The following RASIP1 variants were observed in gnomAD, a reference collection of about 807,000 sequenced individuals.
The protein encoded by RASIP1 is ras-interacting protein 1.
In RASIP1, 20 loss-of-function variants were observed where a neutral mutation model predicts 85.3. The observed-to-expected ratio is 0.23, with a 90% confidence interval of 0.17 to 0.34. RASIP1 has a LOEUF of 0.34. Ranked by LOEUF, RASIP1 falls within the 10% of genes least tolerant of loss-of-function variation. RASIP1 has a pLI of 1.00. For missense variants in RASIP1, 1,170 were observed against 1,390.9 expected (o/e 0.84, Z 2.53); for synonymous variants, 617 against 647.1 (o/e 0.95, Z 0.71).
chr19:48,724,313 C>A lies in RASIP1; in HGVS notation c.2544+24G>T. The A allele has an allele frequency of 6.2e-7, 1 of 1,604,182 alleles. No individual in the cohort carries two copies. On this transcript the variant is annotated intron_variant, in intron 10 of 11. Transcript: ENST00000222145. This position sits in a 1 kb window ranked among gnomAD's most constrained non-coding sequence, Gnocchi z 4.6. ...GGTTGAGGAGTCAGAGGTCAGGGGT[C>A]AGGTATAGCTGACCAGGAGTCACCT...
In RASIP1 at chr19:48,739,904, A is replaced by T. The variant is rs1445482523; in HGVS notation, c.137+242T>A. Reference sequence around the variant, plus strand: ...GGAGGGGAGGAAGGAAGGTGAATCAATCCCCCTGCTCCTTCTGTCCCCGTC... The same window carrying T: ...GGAGGGGAGGAAGGAAGGTGAATCATTCCCCCTGCTCCTTCTGTCCCCGTC... On this transcript the variant is annotated intron_variant, in intron 2 of 11. Transcript: ENST00000222145. The surrounding 1 kb of genome is among the most constrained non-coding windows in gnomAD (Gnocchi z 9.2). Among the ~76,000 whole-genome samples, 1 of 151,918 alleles carries T rather than the reference A, an allele frequency of 6.6e-6. No individual in the cohort carries two copies. Among genetic ancestry groups the T allele is most frequent in the Non-Finnish European group, 1.5e-5 (1 of 67,966 alleles).
intron 4 of RASIP1, among the ~76,000 whole-genome samples, chr19:48,734,005 A>G (rs1002681097): frequency 2.0e-5 from 3 of 151,400 alleles, no homozygotes; most frequent in Admixed American, 2.0e-4. Flanking sequence ...TCATTAAAAA[A>G]TTTTTTTAGG....
At chr19:48,722,197 T>G (rs917956993) in intron 10 of RASIP1, among the ~76,000 whole-genome samples, 196 bp from the exon 11 acceptor site, 9 of 151,626 alleles carry the variant, frequency 5.9e-5, no homozygotes, top group Non-Finnish European at 1.3e-4. Context: ...TGTAAAAATG[T>G]GATGTGCCTC....
rs1478317568 is a variant in RASIP1 at position 48,720,770 on chromosome 19, G to A, written c.*28C>T. On this transcript the variant is annotated 3_prime_UTR_variant, in exon 12 of 12. Transcript: ENST00000222145. The stretch of plus-strand genomic sequence containing the variant: ...TCCGTAGAAGCCCGTGACATTTCAA[G>A]GTTCGCGCGCTCGTTTGGTATTGGT... The A allele has an allele frequency of 1.2e-6, 2 of 1,609,844 alleles. No homozygotes were observed. The highest frequency in any genetic ancestry group is 1.7e-6 in the Non-Finnish European group (2 of 1,176,512).
intron 4 of RASIP1, among the ~76,000 whole-genome samples, chr19:48,730,470 A>G (rs1345372809): frequency 6.6e-6 from 1 of 152,002 alleles, no homozygotes; most frequent in Admixed American, 6.6e-5. Flanking sequence ...CCAGAGACCC[A>G]TTTCTTAACA....
intron 4 of RASIP1, among the ~76,000 whole-genome samples, chr19:48,730,931 C>T (rs895830490): frequency 2.0e-5 from 3 of 152,056 alleles, no homozygotes; most frequent in Admixed American, 6.6e-5. Context: ...GCACAAGAAT[C>T]GCTTGAACCC....
At chr19:48,734,580 C>T (rs532150319) in intron 4 of RASIP1, among the ~76,000 whole-genome samples, 90 of 151,706 alleles carry the variant, frequency 5.9e-4, no homozygotes, top group African/African-American at 2.0e-3. Context: ...CTCTGCCTTC[C>T]GGGTTCAAAC....
Position 48,727,158 on chromosome 19 carries a change from G to C in RASIP1, c.1872C>G (p.Asn624Lys). 1 of 1,613,396 alleles carries C rather than the reference G, an allele frequency of 6.2e-7. No homozygotes were observed. Among genetic ancestry groups the C allele is most frequent in the Non-Finnish European group, 8.5e-7 (1 of 1,179,938 alleles). The change falls in exon 7 of 12, where the codon AAC becomes AAG. Residue 624 changes from asparagine (N) to lysine (K), a missense_variant and splice_region_variant. Around this residue, in one of 4 missense-constraint regions of RASIP1, gnomAD observed 426 missense variants for 576.2 expected, o/e 0.74. Transcript: ENST00000222145. ...GCACCTCGGGGACCCCCTCAGGGTG[G>C]CTTGAAAAAGAGGAAGGAATTTGTG... is the stretch of plus-strand genomic sequence containing the variant. ...IKEIGDRQPE[N>K]HPEGVPEVPL... is the part of the protein sequence containing the mutation.
intron 5 of RASIP1, among the ~76,000 whole-genome samples, chr19:48,728,720 C>T (rs1056949827): frequency 1.3e-5 from 2 of 152,202 alleles, no homozygotes; most frequent in Admixed American, 6.5e-5. Context: ...ACCAAGACCG[C>T]CACTGCACTC....
rs947587960 is a variant in RASIP1, at chr19:48,740,031, T to A, written c.137+115A>T. 2 of 1,355,240 alleles carry A rather than the reference T, an allele frequency of 1.5e-6. No homozygotes were observed. Among genetic ancestry groups the A allele is most frequent in the Non-Finnish European group, 9.8e-7 (1 of 1,022,942 alleles). 84.0% of individuals were successfully genotyped at this position (1,355,240 alleles called of 1,614,324 possible). On this transcript the variant is annotated intron_variant, in intron 2 of 11. Transcript: ENST00000222145. The surrounding 1 kb of genome is among the most constrained non-coding windows in gnomAD (Gnocchi z 5.5). The stretch of plus-strand genomic sequence containing the variant: ...CCGTCTCCCCCTGCCCACCAGCTCG[T>A]TTGCCCAATTCAGGATGAGGACCGG...
At chr19:48,733,751 G>T (rs1168872796) in intron 4 of RASIP1, among the ~76,000 whole-genome samples, 2 of 150,868 alleles carry the variant, frequency 1.3e-5, no homozygotes, top group African/African-American at 4.9e-5. Context: ...AGGTTGTAGT[G>T]AGCCAAGATC....
rs534161771 is a variant in RASIP1 at position 48,735,447 on chromosome 19, C to G, written c.928G>C (p.Ala310Pro). The change falls in exon 4 of 12, where the codon GCT becomes CCT. Residue 310 changes from alanine (A) to proline (P), a missense_variant. Coordinates refer to ENST00000222145, the MANE Select transcript of RASIP1 (RefSeq NM_017805.3). ...PGPGTGSGAPAGSGGKERSEN... is the reference protein window; with the variant it reads ...PGPGTGSGAPPGSGGKERSEN... ...GAGCGCTCCTTGCCTCCAGACCCAG[C>G]TGGGGCCCCTGATCCGGTCCCCGGG... The G allele has an allele frequency of 2.4e-5, 39 of 1,597,844 alleles. No homozygotes were observed. The South Asian group carries it at 4.4e-4, about 18-fold the overall frequency.
At position 48,721,915 on chromosome 19, in the gene RASIP1, AG is replaced by A; in HGVS notation, c.2630del (p.Pro877LeufsTer49). 1 of 1,602,540 alleles carries A rather than the reference AG, an allele frequency of 6.2e-7. No homozygotes were observed. The highest frequency in any genetic ancestry group is 2.3e-5 in the East Asian group (1 of 43,774). Reference sequence around the variant, plus strand: ...CCCACGCGGCTGGCGGCCCGCGGCCAGGGCCCAGCTGATAGTGGCTGAGCAG... The same window carrying A: ...CCCACGCGGCTGGCGGCCCGCGGCCAGGCCCAGCTGATAGTGGCTGAGCAG... ...HHLLSHYQLG[P>X]GRGPPAAWDP... On this transcript the variant is annotated frameshift_variant, in exon 11 of 12. Transcript: ENST00000222145. LOFTEE classifies it high-confidence loss of function.
chr19:48,731,668 TTG>T (rs1249007960), intron 4 of RASIP1, among the ~76,000 whole-genome samples: 1 of 152,212 alleles, frequency 6.6e-6, no homozygotes. Context: ...AACAGGCATC[TTG>T]ATATGCATAG....
intron 8 of RASIP1, among the ~76,000 whole-genome samples, chr19:48,726,020 G>A (rs556721821): frequency 7.9e-5 from 12 of 151,686 alleles, no homozygotes; most frequent in Non-Finnish European, 1.2e-4. Context: ...TCCGCCTCCC[G>A]GGTTCAAGCG....
intron 8 of RASIP1, among the ~76,000 whole-genome samples, chr19:48,726,220 C>T (rs373975215): frequency 2.6e-5 from 4 of 151,666 alleles, no homozygotes; most frequent in East Asian, 3.9e-4. Context: ...CCACTGCATC[C>T]GGCGTTATAT....
chr19:48,720,869 G>C lies in RASIP1; in HGVS notation c.2821C>G (p.Leu941Val). The C allele has an allele frequency of 1.2e-6, 2 of 1,614,092 alleles. No homozygotes were observed. The highest frequency in any genetic ancestry group is 1.7e-6 in the Non-Finnish European group (2 of 1,180,028). Residue 941 changes from leucine to valine, a missense_variant, in exon 12 of 12, where the codon CTC (leucine) becomes GTC (valine). Leu to Val is a conservative substitution (Grantham distance 32, BLOSUM62 1). Around this residue, in one of 4 missense-constraint regions of RASIP1, gnomAD observed 144 missense variants for 125.5 expected, o/e 1.15. Transcript: ENST00000222145. ...AGCTCCTGCTGCTCAAGATCCCAGA[G>C]GAGGCGGCGGAGCCTACGGAGTTCA... ...HRELRRLRRL[L>V]WDLEQQELPA...
chr19:48,737,230 C>A (rs2122481050), intron 3 of RASIP1, among the ~76,000 whole-genome samples: 1 of 152,296 alleles, frequency 6.6e-6, no homozygotes, highest in South Asian at 2.1e-4. Context: ...ATTGAATCCT[C>A]ACCTAGGATT....
intron 11 of RASIP1, among the ~76,000 whole-genome samples, chr19:48,721,299 C>T (rs918307619): frequency 5.3e-5 from 8 of 151,822 alleles, no homozygotes; most frequent in Admixed American, 2.0e-4. Flanking sequence ...GTGAAAGTCC[C>T]GAGACCTGGA....
Sources: allele counts gnomAD v4.1 joint callset (sites outside exome capture counted in the v4.1 genomes callset), GRCh38; gene constraint gnomAD v4.1.1; regional missense constraint gnomAD v4.1.1; non-coding constraint Gnocchi (gnomAD v3.1); transcripts MANE v1.5; gene names NCBI Gene and HGNC (gene_info 2026-07-23, HGNC 2026-07-21).